The following STXBP5L variants were observed in gnomAD, a reference collection of about 807,000 sequenced individuals.
STXBP5L encodes the protein syntaxin-binding protein 5-like.
A neutral mutation model predicts 144.5 loss-of-function variants in STXBP5L; 65 were observed. The observed-to-expected ratio is 0.45, with a 90% CI of 0.37 to 0.55. The LOEUF (loss-of-function observed/expected upper bound fraction) is 0.55, where lower values mean the gene tolerates loss of function less well. Among genes scored for constraint, STXBP5L ranks in the 20% least tolerant of loss-of-function variants. The probability of loss-of-function intolerance (pLI) is 0.00; values close to 1 mark genes in which losing one functional copy is unlikely to be tolerated. For synonymous variants in STXBP5L, 505 were observed against 469.6 expected (o/e 1.08, Z -0.97); for missense variants, 1,298 against 1,405.5 (o/e 0.92, Z 1.22).
chr3:121,133,238 C>T (rs1559783079), intron 7 of STXBP5L, among the ~76,000 whole-genome samples: 1 of 152,024 alleles, frequency 6.6e-6, no homozygotes, highest in Non-Finnish European at 1.5e-5. Context: ...GATTGAAAGC[C>T]TCTCAAATCT....
At position 121,024,987 on chromosome 3, in the gene STXBP5L, G is replaced by A. The variant is rs116204041; in HGVS notation, c.288-16713G>A. 6.0e-3 allele frequency among the ~76,000 whole-genome samples: 920 copies of A among 152,196 alleles called. 4 individuals carry two copies. Among genetic ancestry groups the A allele is most frequent in the Middle Eastern group, 0.024 (7 of 294 alleles). On this transcript the variant is annotated intron_variant, in intron 3 of 26. Transcript: ENST00000471454. ...TATATAACAGAATGTTAAAATGATA[G>A]TTTAAATTGAGGTCTCCAAAACTAG...
chr3:121,344,682 A>G (rs933190567), intron 20 of STXBP5L, among the ~76,000 whole-genome samples: 12 of 152,172 alleles, frequency 7.9e-5, no homozygotes, highest in Middle Eastern at 3.4e-3. Flanking sequence ...AGGTTAAAGT[A>G]CCCAATAAAA....
At chr3:121,180,856 A>G (rs2047115774) in intron 9 of STXBP5L, among the ~76,000 whole-genome samples, 1 of 151,756 alleles carries the variant, frequency 6.6e-6, no homozygotes, top group African/African-American at 2.4e-5. Flanking sequence ...CTGGACAACA[A>G]GAGTGAAACT....
intron 5 of STXBP5L, among the ~76,000 whole-genome samples, chr3:121,053,892 G>A (rs200432219): frequency 3.4e-5 from 5 of 148,064 alleles, no homozygotes; most frequent in Admixed American, 2.0e-4. Flanking sequence ...AAATTTACAA[G>A]AAAAAAAAAC....
intron 1 of STXBP5L, among the ~76,000 whole-genome samples, chr3:120,908,657 C>T (rs916888320): frequency 1.3e-5 from 2 of 151,308 alleles, no homozygotes; most frequent in African/African-American, 2.4e-5. Flanking sequence ...CGGCTCTGCG[C>T]GCCCAGCAGG....
intron 22 of STXBP5L, among the ~76,000 whole-genome samples, 178 bp from the exon 23 acceptor site, chr3:121,407,065 C>T (rs1324294936): frequency 1.3e-5 from 2 of 151,822 alleles, no homozygotes; most frequent in Non-Finnish European, 2.9e-5. Flanking sequence ...CCTTTTAGAC[C>T]TAACATTCTA....
intron 3 of STXBP5L, among the ~76,000 whole-genome samples, chr3:120,973,793 G>A (rs568589808): frequency 1.3e-5 from 2 of 151,628 alleles, no homozygotes; most frequent in Non-Finnish European, 2.9e-5. Flanking sequence ...AACATGCGGT[G>A]TTTGGTTTTT....
chr3:120,976,794 C>T (rs533843273), intron 3 of STXBP5L, among the ~76,000 whole-genome samples: 8 of 152,272 alleles, frequency 5.3e-5, no homozygotes, highest in Admixed American at 2.0e-4. Flanking sequence ...GCCTTCATTT[C>T]GTTATGTACC....
chr3:120,980,337 A>T (rs1040591943), intron 3 of STXBP5L, among the ~76,000 whole-genome samples: 2 of 151,868 alleles, frequency 1.3e-5, no homozygotes, highest in Non-Finnish European at 2.9e-5. Flanking sequence ...CCCCACTATT[A>T]TTGTTTTGCT....
At chr3:121,199,426 A>G (rs1220512125) in intron 9 of STXBP5L, among the ~76,000 whole-genome samples, 2 of 152,204 alleles carry the variant, frequency 1.3e-5, no homozygotes, top group African/African-American at 4.8e-5. Flanking sequence ...GTCATCTGCA[A>G]ACAGAGACAA....
intron 5 of STXBP5L, among the ~76,000 whole-genome samples, chr3:121,096,268 C>T (rs939574752): frequency 6.6e-6 from 1 of 152,272 alleles, no homozygotes. Flanking sequence ...CCTTTCTTCA[C>T]GCTTCTTAGC....
intron 12 of STXBP5L, among the ~76,000 whole-genome samples, chr3:121,238,499 A>T (rs969234511): frequency 5.3e-5 from 8 of 152,174 alleles, no homozygotes; most frequent in Non-Finnish European, 1.0e-4. Flanking sequence ...AAATTTCAAG[A>T]TGAGGTTTGG....
chr3:120,979,183 G>A (rs928352389), intron 3 of STXBP5L, among the ~76,000 whole-genome samples: 1 of 152,222 alleles, frequency 6.6e-6, no homozygotes, highest in Non-Finnish European at 1.5e-5. Context: ...GCCTCCTTGA[G>A]CTGTGGTGGG....
chr3:120,957,473 T>C (rs1267436342), intron 3 of STXBP5L, among the ~76,000 whole-genome samples: 1 of 152,050 alleles, frequency 6.6e-6, no homozygotes, highest in Non-Finnish European at 1.5e-5. Flanking sequence ...TTTTTGCATC[T>C]AGGTTTATCG....
intron 25 of STXBP5L, among the ~76,000 whole-genome samples, chr3:121,417,904 GA>G (rs1402835540): frequency 6.6e-6 from 1 of 152,056 alleles, no homozygotes; most frequent in Non-Finnish European, 1.5e-5. Context: ...GAGACAGAAA[GA>G]GAGAGAAAGA....
intron 22 of STXBP5L, among the ~76,000 whole-genome samples, chr3:121,400,661 C>T (rs1269566768): frequency 2.0e-5 from 3 of 152,134 alleles, no homozygotes; most frequent in African/African-American, 7.2e-5. Context: ...AGTCATCTTG[C>T]AAGCATTCTC....
At chr3:121,340,176 G>T (rs1196494272) in intron 20 of STXBP5L, among the ~76,000 whole-genome samples, 1 of 152,032 alleles carries the variant, frequency 6.6e-6, no homozygotes, top group Admixed American at 6.6e-5. Flanking sequence ...GTAGTAACCA[G>T]AACAAGATGT....
intron 10 of STXBP5L, among the ~76,000 whole-genome samples, chr3:121,206,792 C>T (rs537016286): frequency 6.6e-6 from 1 of 152,114 alleles, no homozygotes; most frequent in South Asian, 2.1e-4. Context: ...TCAACCTGTG[C>T]AACAGAGCGA....
At chr3:121,242,219 A>G (rs1188450868) in intron 14 of STXBP5L, among the ~76,000 whole-genome samples, 1 of 152,172 alleles carries the variant, frequency 6.6e-6, no homozygotes, top group East Asian at 1.9e-4. Flanking sequence ...TGCAATAATA[A>G]AAGTATGGAT....
Sources: allele counts gnomAD v4.1 joint callset (sites outside exome capture counted in the v4.1 genomes callset), GRCh38; gene constraint gnomAD v4.1.1; transcripts MANE v1.5; gene names NCBI Gene and HGNC (gene_info 2026-07-23, HGNC 2026-07-21).